Variants in ATP13A5 observed in about 807,000 individuals in gnomAD.
The protein encoded by ATP13A5 is ATPase 13A5.
In ATP13A5, 149 loss-of-function variants were observed where a neutral mutation model predicts 150.2. The observed-to-expected ratio is 0.99, with a 90% CI of 0.87 to 1.14. The LOEUF (loss-of-function observed/expected upper bound fraction) is 1.14, where lower values mean the gene tolerates loss of function less well. ATP13A5 is among the 50% of genes most tolerant of loss of function. The pLI is 0.00. For synonymous variants in ATP13A5, 497 were observed against 522.2 expected, an observed-to-expected ratio of 0.95 and a Z score of 0.66; for missense variants, 1,383 against 1,449.3, an observed-to-expected ratio of 0.95 and a Z score of 0.74.
intron 7 of ATP13A5, among the ~76,000 whole-genome samples, chr3:193,349,322 C>T (rs959623503): frequency 1.1e-4 from 16 of 152,158 alleles, no homozygotes; most frequent in African/African-American, 3.9e-4. Context: ...ATATTAGCCA[C>T]TGTTTTGAAC....
In ATP13A5 at chr3:193,275,254, AT is replaced by A; in HGVS notation, c.3444del (p.Glu1148AspfsTer17). ...NHELWLLIKREFGFYSKSQYR... is the reference protein window; with the variant it reads ...NHELWLLIKRXFGFYSKSQYR... ...TATTGACTTTTAGAGTAGAATCCAA[AT>A]TCTCTTTTGATCAACAGCCAGAGTT... is the stretch of plus-strand genomic sequence containing the variant. On this transcript the variant is annotated frameshift_variant, in exon 30 of 30. Coordinates refer to ENST00000342358, the MANE Select transcript of ATP13A5 (RefSeq NM_198505.4). LOFTEE classifies it low-confidence loss of function (END_TRUNC). 1 of 1,614,046 alleles carries A rather than the reference AT, an allele frequency of 6.2e-7. No homozygotes were observed. Among genetic ancestry groups the A allele is most frequent in the Non-Finnish European group, 8.5e-7 (1 of 1,180,018 alleles).
At chr3:193,314,894 AACTC>A in intron 18 of ATP13A5, 74 bp downstream of exon 18, 1 of 1,546,464 alleles carries the variant, frequency 6.5e-7, no homozygotes, top group Non-Finnish European at 8.8e-7. Flanking sequence ...CTGATACATG[AACTC>A]ACTCAGCTCA....
chr3:193,299,432 T>C (rs772676226), intron 24 of ATP13A5, among the ~76,000 whole-genome samples: 2 of 152,182 alleles, frequency 1.3e-5, no homozygotes, highest in Non-Finnish European at 2.9e-5. Context: ...AGTCAATTAT[T>C]TGAGAACCAC....
At chr3:193,352,901 G>C (rs530687116) in intron 6 of ATP13A5, among the ~76,000 whole-genome samples, 1 of 152,110 alleles carries the variant, frequency 6.6e-6, no homozygotes, top group Non-Finnish European at 1.5e-5. Flanking sequence ...CACATCATCA[G>C]ATTCATGGGT....
intron 5 of ATP13A5, 71 bp downstream of exon 5, chr3:193,362,310 T>C: frequency 7.6e-7 from 1 of 1,321,578 alleles, no homozygotes; most frequent in Non-Finnish European, 1.1e-6. Flanking sequence ...AACAATGCAC[T>C]GATGATAACT....
chr3:193,376,807 C>G (rs1316965607), intron 1 of ATP13A5, among the ~76,000 whole-genome samples: 1 of 152,214 alleles, frequency 6.6e-6, no homozygotes, highest in Admixed American at 6.5e-5. Context: ...TAAGTCACAG[C>G]TTCCACAGTT....
At chr3:193,337,319 A>G (rs1181160633) in intron 9 of ATP13A5, among the ~76,000 whole-genome samples, 3 of 152,140 alleles carry the variant, frequency 2.0e-5, no homozygotes, top group Non-Finnish European at 4.4e-5. Context: ...GCCCATGCCT[A>G]TGTCCTGAAT....
At chr3:193,314,328 T>A in intron 18 of ATP13A5, 135 bp from the exon 19 acceptor site, 1 of 954,958 alleles carries the variant, frequency 1.0e-6, no homozygotes, top group Non-Finnish European at 1.6e-6. Flanking sequence ...TATCTTCCTC[T>A]CTGCTGTAGA....
intron 9 of ATP13A5, among the ~76,000 whole-genome samples, chr3:193,343,188 TA>T (rs1380807963): frequency 2.0e-5 from 3 of 152,176 alleles, no homozygotes; most frequent in African/African-American, 7.2e-5. Flanking sequence ...TCTGTAAGCA[TA>T]AAAGACAAAG....
Position 193,317,713 on chromosome 3 carries a change from G to C in ATP13A5, c.2033+1278C>G, listed in dbSNP as rs145508788. ...GAAAATAGTAACTAAATTCTAAGAA[G>C]TATAATAAGTTCCTGATATTCCCCA... On this transcript the variant is annotated intron_variant, in intron 17 of 29. Coordinates refer to ENST00000342358, the MANE Select transcript of ATP13A5 (RefSeq NM_198505.4). Among the ~76,000 whole-genome samples, 112 of 152,256 alleles carry C rather than the reference G, an allele frequency of 7.4e-4. 2 individuals carry two copies. In the East Asian group the frequency reaches 0.02, roughly 27 times the overall value.
intron 5 of ATP13A5, among the ~76,000 whole-genome samples, chr3:193,357,693 G>A (rs1712844727): frequency 6.6e-6 from 1 of 152,172 alleles, no homozygotes; most frequent in Non-Finnish European, 1.5e-5. Flanking sequence ...AAATTAAGCA[G>A]ACCTGCCTAA....
chr3:193,372,236 G>A, intron 1 of ATP13A5: 1 of 155,530 alleles, frequency 6.4e-6, no homozygotes, highest in Non-Finnish European at 1.4e-5. Flanking sequence ...GGCAGACGTT[G>A]CAGTGAGCCG....
chr3:193,323,907 T>C (rs1337313111), intron 14 of ATP13A5: 1 of 152,248 alleles, frequency 6.6e-6, no homozygotes, highest in Admixed American at 6.5e-5. Context: ...ACTGCTGTAC[T>C]GTATTTTATA....
intron 1 of ATP13A5, chr3:193,372,312 AGGGGG>A (rs1713475341): frequency 1.4e-5 from 1 of 73,166 alleles, no homozygotes; most frequent in Non-Finnish European, 2.4e-5. Flanking sequence ...AAAAAAAAAA[AGGGGG>A]AAGTTCTGCC....
intron 15 of ATP13A5, 131 bp from the exon 16 acceptor site, chr3:193,321,968 ATT>A: frequency 9.2e-7 from 1 of 1,087,762 alleles, no homozygotes; most frequent in Non-Finnish European, 1.3e-6. Flanking sequence ...CACAACATTG[ATT>A]TTGTGTGTGT....
At chr3:193,360,799 C>A (rs528994906) in intron 5 of ATP13A5, among the ~76,000 whole-genome samples, 1 of 152,254 alleles carries the variant, frequency 6.6e-6, no homozygotes, top group African/African-American at 2.4e-5. Flanking sequence ...GCCTCAGCCT[C>A]CTGAGTAGCT....
intron 23 of ATP13A5, among the ~76,000 whole-genome samples, chr3:193,301,833 G>A (rs1034492501): frequency 2.0e-5 from 3 of 152,112 alleles, no homozygotes; most frequent in African/African-American, 7.2e-5. Context: ...AGATTAAATG[G>A]GTAAGGAAGG....
Position 193,364,108 on chromosome 3 carries a change from G to C in ATP13A5, c.236C>G (p.Thr79Arg), listed in dbSNP as rs545683782. Residue 79 changes from threonine to arginine, a missense_variant and splice_region_variant, in exon 2 of 30, where the codon ACA (threonine) becomes AGA (arginine). By Grantham distance (71) the Thr-to-Arg change is moderately conservative. This residue lies in a region of ATP13A5 where 787 missense variants were observed against 771.9 expected (regional missense o/e 1.02). Transcript: ENST00000342358. ...QEADTVLLRTTDEFQRYMRKK... is the reference protein window; with the variant it reads ...QEADTVLLRTRDEFQRYMRKK... Reference sequence around the variant, plus strand: ...AATAGAAAACAGAAAGGCACGCACTGTTGTCCTCAGCAAAACAGTGTCTGC... The same window carrying C: ...AATAGAAAACAGAAAGGCACGCACTCTTGTCCTCAGCAAAACAGTGTCTGC... 9.9e-6 allele frequency: 16 copies of C among 1,614,036 alleles called. No homozygotes were observed. The South Asian group carries it at 1.8e-4, about 18-fold the overall frequency.
At chr3:193,317,809 T>G (rs1721155203) in intron 17 of ATP13A5, among the ~76,000 whole-genome samples, 1 of 152,214 alleles carries the variant, frequency 6.6e-6, no homozygotes, top group Non-Finnish European at 1.5e-5. Flanking sequence ...ATTTATAATG[T>G]CTATCCCACT....
Sources: allele counts gnomAD v4.1 joint callset (sites outside exome capture counted in the v4.1 genomes callset), GRCh38; gene constraint gnomAD v4.1.1; regional missense constraint gnomAD v4.1.1; transcripts MANE v1.5; gene names NCBI Gene and HGNC (gene_info 2026-07-23, HGNC 2026-07-21).